Variants in CBFB observed in about 807,000 individuals in gnomAD.
The protein encoded by CBFB is core-binding factor subunit beta, also known as CBF-beta.
CBFB carries 9 observed loss-of-function variants against 30.4 expected under a neutral mutation model. The observed-to-expected ratio is 0.30, with a 90% CI of 0.18 to 0.52. The LOEUF (loss-of-function observed/expected upper bound fraction) is 0.52, where lower values mean the gene tolerates loss of function less well. Ranked by LOEUF, CBFB falls within the 20% of genes least tolerant of loss-of-function variation. The pLI is 0.97. For synonymous variants in CBFB, 94 were observed against 84.0 expected, an observed-to-expected ratio of 1.12 and a Z score of -0.65; for missense variants, 170 against 244.0, an observed-to-expected ratio of 0.70 and a Z score of 2.02.
Position 67,038,308 on chromosome 16 carries a change from ATGTGTATATATACGTATATGTG to A in CBFB, c.282+1565_282+1586del, listed in dbSNP as rs1320709664. Among the ~76,000 whole-genome samples, 728 of 151,462 alleles carry A rather than the reference ATGTGTATATATACGTATATGTG, an allele frequency of 4.8e-3. 2 individuals are homozygous for A. Among genetic ancestry groups the A allele is most frequent in the Non-Finnish European group, 5.5e-3 (371 of 67,860 alleles). ...TGTATATATATATATACACGTATAT[ATGTGTATATATACGTATATGTG>A]TGTGTATATATGTATATATGTGTGT... On this transcript the variant is annotated intron_variant, in intron 3 of 5. Transcript: ENST00000412916.
chr16:67,074,081 G>T (rs536563684), intron 4 of CBFB, among the ~76,000 whole-genome samples: 2 of 152,192 alleles, frequency 1.3e-5, no homozygotes, highest in East Asian at 3.9e-4. Context: ...GAAGATGCAT[G>T]TACTTAGAAA....
chr16:67,070,326 C>G (rs1961183918), intron 4 of CBFB, among the ~76,000 whole-genome samples: 1 of 152,134 alleles, frequency 6.6e-6, no homozygotes, highest in South Asian at 2.1e-4. Flanking sequence ...ATCCCTTGAT[C>G]CCAGGAGTTC....
At chr16:67,092,886 T>C (rs963427914) in intron 5 of CBFB, among the ~76,000 whole-genome samples, 2 of 151,806 alleles carry the variant, frequency 1.3e-5, no homozygotes, top group African/African-American at 2.4e-5. Flanking sequence ...GTAATTGTTA[T>C]ATTTTTAGTA....
intron 5 of CBFB, among the ~76,000 whole-genome samples, chr16:67,089,939 T>G (rs1042983184): frequency 6.6e-6 from 1 of 152,242 alleles, no homozygotes; most frequent in Non-Finnish European, 1.5e-5. Context: ...TGGCTCACAA[T>G]ATATCTGGAG....
chr16:67,055,157 G>T (rs1001267666), intron 3 of CBFB, among the ~76,000 whole-genome samples: 1 of 151,910 alleles, frequency 6.6e-6, no homozygotes, highest in African/African-American at 2.4e-5. Context: ...TGTAAGAAAA[G>T]AAAAATACAG....
chr16:67,050,073 G>A (rs1185274671), intron 3 of CBFB, among the ~76,000 whole-genome samples: 1 of 151,022 alleles, frequency 6.6e-6, no homozygotes, highest in Non-Finnish European at 1.5e-5. Flanking sequence ...TAGGTAAGTT[G>A]ATGCAAACTC....
intron 5 of CBFB, among the ~76,000 whole-genome samples, chr16:67,087,496 A>G (rs1567624157): frequency 6.6e-6 from 1 of 152,152 alleles, no homozygotes; most frequent in Non-Finnish European, 1.5e-5. Flanking sequence ...TCAAGGCTGT[A>G]GTGAACTATG....
intron 3 of CBFB, among the ~76,000 whole-genome samples, chr16:67,049,599 ATTCT>A (rs1966703583): frequency 6.6e-6 from 1 of 151,926 alleles, no homozygotes; most frequent in South Asian, 2.1e-4. Context: ...GGCTCAAGCG[ATTCT>A]TCCACCTCAC....
chr16:67,085,673 CTTTTTTT>C (rs764788080), intron 5 of CBFB, among the ~76,000 whole-genome samples: 10 of 115,468 alleles, frequency 8.7e-5, no homozygotes, highest in African/African-American at 2.7e-4. Context: ...AATTTAGTAT[CTTTTTTT>C]TTTTTTTTTT....
intron 3 of CBFB, among the ~76,000 whole-genome samples, chr16:67,055,520 A>T (rs1960695877): frequency 6.6e-6 from 1 of 151,188 alleles, no homozygotes; most frequent in Non-Finnish European, 1.5e-5. Flanking sequence ...CGCCCAGCTG[A>T]TTTTTTTGTA....
rs1459707512 is a variant in CBFB, at chr16:67,099,646, A to G, written c.*868A>G. ...GTTTGGTTGGAGATATTCTCCATAG[A>G]TGATCTTCTACTGAAATGCCTAAAG... On this transcript the variant is annotated 3_prime_UTR_variant, in exon 6 of 6. Transcript: ENST00000412916. 1.3e-4 allele frequency: 26 copies of G among 203,574 alleles called. 1 individual carries two copies. In the East Asian group the frequency reaches 1.8e-3, roughly 14 times the overall value. 12.6% of individuals were successfully genotyped at this position (203,574 alleles called of 1,614,324 possible).
At chr16:67,055,017 C>T (rs1597136794) in intron 3 of CBFB, among the ~76,000 whole-genome samples, 1 of 150,806 alleles carries the variant, frequency 6.6e-6, no homozygotes, top group African/African-American at 2.4e-5. Context: ...TGTTAGTATC[C>T]TCTTCTTGTT....
chr16:67,076,884 AGT>A (rs1418672553), intron 4 of CBFB, among the ~76,000 whole-genome samples: 2 of 152,092 alleles, frequency 1.3e-5, no homozygotes, highest in Non-Finnish European at 2.9e-5. Flanking sequence ...CTAAAAATCC[AGT>A]GTGTACTGTC....
At chr16:67,071,188 A>G (rs1250813389) in intron 4 of CBFB, among the ~76,000 whole-genome samples, 3 of 152,192 alleles carry the variant, frequency 2.0e-5, no homozygotes, top group African/African-American at 7.2e-5. Context: ...TGTAGATGCT[A>G]GGGGCAGGAG....
At chr16:67,029,938 C>G in intron 2 of CBFB, 125 bp downstream of exon 2, 1 of 551,940 alleles carries the variant, frequency 1.8e-6, no homozygotes, top group Non-Finnish European at 3.0e-6. Flanking sequence ...CGTCTCACTT[C>G]CTACTCGGGA....
chr16:67,038,358 A>G (rs910119399), intron 3 of CBFB, among the ~76,000 whole-genome samples: 2 of 151,622 alleles, frequency 1.3e-5, no homozygotes, highest in Non-Finnish European at 1.5e-5. Context: ...ATGTGTGTGT[A>G]TATACGTATA....
chr16:67,043,297 A>C (rs1045325255), intron 3 of CBFB, among the ~76,000 whole-genome samples: 11 of 152,318 alleles, frequency 7.2e-5, no homozygotes, highest in African/African-American at 2.2e-4. Flanking sequence ...GCGGAAACAA[A>C]AAGCTCTATA....
At chr16:67,061,861 G>GTAT (rs2145744658) in intron 3 of CBFB, among the ~76,000 whole-genome samples, 1 of 151,964 alleles carries the variant, frequency 6.6e-6, no homozygotes, top group African/African-American at 2.4e-5. Flanking sequence ...GTGAAACCCC[G>GTAT]TCTCTACTGA....
chr16:67,061,396 A>G (rs1392525425), intron 3 of CBFB, among the ~76,000 whole-genome samples: 2 of 152,216 alleles, frequency 1.3e-5, no homozygotes, highest in African/African-American at 4.8e-5. Flanking sequence ...CCTAGTTCAT[A>G]TTCTAATAAC....
Sources: gnomAD v4.1 joint callset for allele counts (sites outside exome capture counted in the v4.1 genomes callset) on GRCh38, gnomAD v4.1.1 for gene constraint, MANE v1.5 for transcripts, NCBI Gene and HGNC (gene_info 2026-07-23, HGNC 2026-07-21) for gene names.